Variants in IPPK observed in about 807,000 individuals in gnomAD.
IPPK encodes the protein inositol-pentakisphosphate 2-kinase, also known as IPK1 homolog.
A neutral mutation model predicts 64.6 loss-of-function variants in IPPK; 22 were observed. That is an observed-to-expected ratio of 0.34 (90% CI 0.24 to 0.49). The LOEUF is 0.49. Ranked by LOEUF, IPPK falls within the 20% of genes least tolerant of loss-of-function variation. IPPK has a pLI of 0.99. For synonymous variants in IPPK, 262 were observed against 247.2 expected (o/e 1.06, Z -0.56); for missense variants, 532 against 630.7 (o/e 0.84, Z 1.68).
intron 12 of IPPK, chr9:92,618,498 A>T (rs1851517655): frequency 2.2e-6 from 1 of 456,714 alleles, no homozygotes; most frequent in Non-Finnish European, 4.4e-6. Flanking sequence ...GCATCCAAGC[A>T]CATTTCCATT....
chr9:92,666,462 T>C (rs1411606215), intron 1 of IPPK, among the ~76,000 whole-genome samples: 1 of 152,184 alleles, frequency 6.6e-6, no homozygotes, highest in Non-Finnish European at 1.5e-5. Flanking sequence ...GCCCAAGTAC[T>C]GCACCTTCAG....
At chr9:92,639,938 G>A (rs1852014514) in intron 8 of IPPK, among the ~76,000 whole-genome samples, 2 of 152,132 alleles carry the variant, frequency 1.3e-5, no homozygotes, top group African/African-American at 2.4e-5. Flanking sequence ...GCAGCAGGAC[G>A]CCAGCCATGT....
chr9:92,640,868 A>G (rs960095725), intron 7 of IPPK, 86 bp from the exon 8 acceptor site: 8 of 947,526 alleles, frequency 8.4e-6, no homozygotes, highest in Admixed American at 3.4e-5. Flanking sequence ...CTCAGAGGAC[A>G]TGCTGGGTAC....
chr9:92,622,546 A>G (rs959512658), intron 11 of IPPK, among the ~76,000 whole-genome samples: 4 of 152,124 alleles, frequency 2.6e-5, no homozygotes, highest in Non-Finnish European at 4.4e-5. Flanking sequence ...AAAACCATCA[A>G]ATATCGTGAA....
intron 1 of IPPK, among the ~76,000 whole-genome samples, chr9:92,665,075 A>G (rs1441734004): frequency 1.3e-5 from 2 of 152,248 alleles, no homozygotes; most frequent in Non-Finnish European, 2.9e-5. Flanking sequence ...CCACAAGCAC[A>G]GCTCTCCAAT....
At chr9:92,644,273 T>C (rs1852106585) in intron 6 of IPPK, among the ~76,000 whole-genome samples, 1 of 152,160 alleles carries the variant, frequency 6.6e-6, no homozygotes, top group Non-Finnish European at 1.5e-5. Flanking sequence ...GAAAAACAGC[T>C]AAATCTAAGC....
intron 11 of IPPK, among the ~76,000 whole-genome samples, chr9:92,625,964 A>G (rs972324940): frequency 1.3e-5 from 2 of 152,226 alleles, no homozygotes; most frequent in African/African-American, 4.8e-5. Context: ...ATCTGATATC[A>G]GAATATAAAA....
At chr9:92,632,048 G>A (rs1378995292) in intron 11 of IPPK, among the ~76,000 whole-genome samples, 1 of 152,220 alleles carries the variant, frequency 6.6e-6, no homozygotes, top group African/African-American at 2.4e-5. Flanking sequence ...TTTAGCAAGA[G>A]TCTGTTCCTT....
Position 92,638,245 on chromosome 9 carries a change from C to T in IPPK, c.672G>A (p.Arg224=). 6.2e-7 allele frequency: 1 copy of T among 1,614,106 alleles called. No individual in the cohort carries two copies. The highest frequency in any genetic ancestry group is 8.5e-7 in the Non-Finnish European group (1 of 1,179,952). The change falls in exon 9 of 13, where the codon CGG becomes CGA. Residue 224 remains arginine (R), a synonymous_variant. Transcript: ENST00000287996. ...GELIYGCKDA[R]SPVADWSELA... ...GCTCGCTCCAGTCAGCCACGGGGCTCCGGGCATCTTTGCAGCCGTAAATCA... is the reference window on the plus strand; with the variant it reads ...GCTCGCTCCAGTCAGCCACGGGGCTTCGGGCATCTTTGCAGCCGTAAATCA...
In IPPK at chr9:92,616,027, C is replaced by A; in HGVS notation, c.1281G>T (p.Ser427=). 1 of 1,614,042 alleles carries A rather than the reference C, an allele frequency of 6.2e-7. No homozygotes were observed. The highest frequency in any genetic ancestry group is 1.1e-5 in the South Asian group (1 of 91,054). ...SSDQRPVVPS[S]RSRFAFSVSV... ...ACACGGAAAAGGCAAACCTGGACCT[C>A]GATGAAGGGACGACAGGCCTTTGAT... Residue 427 remains serine (S), a synonymous_variant, in exon 13 of 13, where the codon TCG becomes TCT. Coordinates refer to ENST00000287996, the MANE Select transcript of IPPK (RefSeq NM_022755.6).
chr9:92,649,360 G>A, intron 5 of IPPK, 93 bp downstream of exon 5: 1 of 1,473,790 alleles, frequency 6.8e-7, no homozygotes, highest in Non-Finnish European at 9.3e-7. Context: ...TCACTTCAGT[G>A]GGAACTGGAA....
In IPPK at chr9:92,621,637, C is replaced by G. The variant is rs1373923004; in HGVS notation, c.1171-2072G>C. On this transcript the variant is annotated intron_variant, in intron 11 of 12. Transcript: ENST00000287996. Reference sequence around the variant, plus strand: ...TCAAGTAATCCTTCCATCTCAGTCTCTCAGGCAGGTAAGACTACAGGTATG... The same window carrying G: ...TCAAGTAATCCTTCCATCTCAGTCTGTCAGGCAGGTAAGACTACAGGTATG... 7.3e-5 allele frequency among the ~76,000 whole-genome samples: 11 copies of G among 150,312 alleles called. No homozygotes were observed. The Admixed American group carries it at 7.3e-4, about 10-fold the overall frequency.
intron 9 of IPPK, 95 bp downstream of exon 9, chr9:92,637,906 G>A (rs1045274298): frequency 7.5e-7 from 1 of 1,334,850 alleles, no homozygotes; most frequent in East Asian, 2.6e-5. Context: ...AGAGCCCCCA[G>A]GAGGCTGTGC....
intron 8 of IPPK, 54 bp from the exon 9 acceptor site, chr9:92,638,334 A>G: frequency 1.0e-5 from 16 of 1,571,114 alleles, no homozygotes; most frequent in Non-Finnish European, 1.4e-5. Flanking sequence ...CTTGTAGGAA[A>G]AGAACTCAGT....
Position 92,635,138 on chromosome 9 carries a change from G to T in IPPK, c.1067+20C>A, listed in dbSNP as rs771774958. The stretch of plus-strand genomic sequence containing the variant: ...AGTCTCCTCTCAGGGCTGCCCAACA[G>T]GGGGACCGCCCGACCTCACCTCTCC... On this transcript the variant is annotated intron_variant, in intron 10 of 12. Coordinates refer to ENST00000287996, the MANE Select transcript of IPPK (RefSeq NM_022755.6). The surrounding 1 kb of genome is among the most constrained non-coding windows in gnomAD (Gnocchi z 4.4). The T allele has an allele frequency of 3.1e-6, 5 of 1,601,980 alleles. No homozygotes were observed. The highest frequency in any genetic ancestry group is 1.7e-5 in the Admixed American group (1 of 58,660).
At position 92,658,591 on chromosome 9, in the gene IPPK, T is replaced by G. The variant is rs774934630; in HGVS notation, c.129+43A>C. 5 of 1,516,756 alleles carry G rather than the reference T, an allele frequency of 3.3e-6. No homozygotes were observed. The South Asian group carries it at 5.8e-5, about 18-fold the overall frequency. 94.0% of individuals were successfully genotyped at this position (1,516,756 alleles called of 1,614,324 possible). On this transcript the variant is annotated intron_variant, in intron 2 of 12. Coordinates refer to ENST00000287996, the MANE Select transcript of IPPK (RefSeq NM_022755.6). ...TCGGAAAAAAAAATCAGAGTTTTCTTAAATAATTGTTGTAAGTCTGGGTGC... is the reference window on the plus strand; with the variant it reads ...TCGGAAAAAAAAATCAGAGTTTTCTGAAATAATTGTTGTAAGTCTGGGTGC...
rs549316845 is a variant in IPPK at position 92,652,463 on chromosome 9, A to G, written c.292+110T>C. ...GACTCCGTCTCAAAAAAAAAAAAAA[A>G]AAAAGGATTACTGAAAAATGCATAT... On this transcript the variant is annotated intron_variant, in intron 4 of 12. Transcript: ENST00000287996. The G allele has an allele frequency of 3.1e-5, 17 of 543,034 alleles. No homozygotes were observed. The East Asian group carries it at 5.1e-4, about 16-fold the overall frequency. The allele number at this position is 543,034 out of a possible 1,614,324, so 33.6% of individuals were successfully genotyped here. A position where few individuals can be genotyped will look rare whatever the true frequency, so the allele number is the denominator to read the frequency against.
chr9:92,649,258 A>C (rs887707359), intron 5 of IPPK, among the ~76,000 whole-genome samples, 195 bp downstream of exon 5: 7 of 152,152 alleles, frequency 4.6e-5, no homozygotes, highest in African/African-American at 1.7e-4. Flanking sequence ...TAAACCTGGG[A>C]TCTGGGAGCC....
chr9:92,649,593 G>A lies in IPPK; in HGVS notation c.293-19C>T, dbSNP rs771098026. ...CGAGACTCTGGAAAACAGAGCAAGG[G>A]TCACACAGAGCAAGGTCAGTGAGAG... On this transcript the variant is annotated intron_variant, in intron 4 of 12. Transcript: ENST00000287996. 6.2e-7 allele frequency: 1 copy of A among 1,613,394 alleles called. No homozygotes were observed. The highest frequency in any genetic ancestry group is 8.5e-7 in the Non-Finnish European group (1 of 1,179,630).
Sources: allele counts gnomAD v4.1 joint callset (sites outside exome capture counted in the v4.1 genomes callset), GRCh38; gene constraint gnomAD v4.1.1; non-coding constraint Gnocchi (gnomAD v3.1); transcripts MANE v1.5; gene names NCBI Gene and HGNC (gene_info 2026-07-23, HGNC 2026-07-21).